ZNF737: variants seen among roughly 807,000 people sequenced by gnomAD.
ZNF737 encodes zinc finger protein 737.
ZNF737 carries 13 observed loss-of-function variants against 11.7 expected under a neutral mutation model. The ratio of observed to expected loss-of-function variants is 1.11; its 90% CI spans 0.73 to 1.77. ZNF737 has a LOEUF of 1.77. Among genes scored for constraint, ZNF737 ranks in the 40% most tolerant of loss-of-function variants. The pLI, the probability that ZNF737 is intolerant of heterozygous loss-of-function variation, is 0.00. For missense variants in ZNF737, 636 were observed against 638.0 expected, an observed-to-expected ratio of 1.00 and a Z score of 0.03; for synonymous variants, 217 against 216.2, an observed-to-expected ratio of 1.00 and a Z score of -0.03.
rs1030293850 is a variant in ZNF737 at position 20,543,913 on chromosome 19, A to C, written c.*679T>G. On this transcript the variant is annotated 3_prime_UTR_variant, in exon 4 of 4. Transcript: ENST00000427401. The stretch of plus-strand genomic sequence containing the variant: ...GAGGCCAAGGTGGGTGGATCACCTG[A>C]GGTCAGGAGTTCGAGACCAGCCTGG... The C allele has an allele frequency of 8.7e-5, 76 of 873,734 alleles. No homozygotes were observed. In the African/African-American group the frequency reaches 1.2e-3, roughly 13 times the overall value. The allele number at this position is 873,734 out of a possible 1,614,324, so 54.1% of individuals were successfully genotyped here. A position where few individuals can be genotyped will look rare whatever the true frequency, so the allele number is the denominator to read the frequency against.
chr19:20,559,876 A>G (rs1425248871), intron 1 of ZNF737, among the ~76,000 whole-genome samples: 1 of 152,168 alleles, frequency 6.6e-6, no homozygotes, highest in Non-Finnish European at 1.5e-5. Context: ...GGTAAAGAAA[A>G]TATGGTATGG....
In ZNF737 at chr19:20,544,699, T is replaced by C. The variant is rs781927127; in HGVS notation, c.1504A>G (p.Ile502Val). 6 of 1,607,012 alleles carry C rather than the reference T, an allele frequency of 3.7e-6. No homozygotes were observed. The highest frequency in any genetic ancestry group is 5.1e-6 in the Non-Finnish European group (6 of 1,177,592). The change falls in exon 4 of 4, where the codon ATT becomes GTT. Residue 502 changes from isoleucine to valine, a missense_variant. By Grantham distance (29) the Ile-to-Val change is conservative. Transcript: ENST00000427401. ...TTGTAGGGTTTCTCTCCAGTATGAA[T>C]TCTCTTATGTCTAGTAAGGATAAAG... ...RSFILTRHKR[I>V]HTGEKPYKCE...
At chr19:20,551,372 T>C (rs1968659823) in intron 3 of ZNF737, 1 of 142,666 alleles carries the variant, frequency 7.0e-6, no homozygotes, top group Non-Finnish European at 1.5e-5. Context: ...AAGGTTGCAG[T>C]GAGCCGAAAT....
chr19:20,548,440 T>A (rs1337599082), intron 3 of ZNF737, among the ~76,000 whole-genome samples: 1 of 152,174 alleles, frequency 6.6e-6, no homozygotes, highest in African/African-American at 2.4e-5. Flanking sequence ...ATATGATATA[T>A]CTTAAGTAGT....
At chr19:20,554,977 C>T (rs1025110419) in intron 1 of ZNF737, among the ~76,000 whole-genome samples, 30 of 105,816 alleles carry the variant, frequency 2.8e-4, no homozygotes, top group African/African-American at 1.0e-3. Flanking sequence ...GGTCTCCTGC[C>T]TCAGCTTCCC....
rs1968222042 is a variant in ZNF737, at chr19:20,541,915, G to A, written c.*2677C>T. ...TAATTACTACATATTGTAGGCCTGAGTCAAAAGATGCCATATAAGGCATAA... is the reference window on the plus strand; with the variant it reads ...TAATTACTACATATTGTAGGCCTGAATCAAAAGATGCCATATAAGGCATAA... On this transcript the variant is annotated 3_prime_UTR_variant, in exon 4 of 4. Transcript: ENST00000427401. The A allele has an allele frequency of 4.7e-6, 3 of 632,470 alleles. No homozygotes were observed. The East Asian group carries it at 4.2e-4, about 88-fold the overall frequency. The allele number at this position is 632,470 out of a possible 1,614,324, so 39.2% of individuals were successfully genotyped here.
At position 20,544,617 on chromosome 19, in the gene ZNF737, A is replaced by C. The variant is rs1280753334; in HGVS notation, c.1586T>G (p.Val529Gly). ...KCPSTLTTHK[V>G]IHTGEKL ...TTATAGTTTCTCTCCAGTATGAATT[A>C]CCTTATGTGTAGTAAGGGTAGAGGG... Residue 529 changes from valine to glycine, a missense_variant, in exon 4 of 4, where the codon GTA becomes GGA. Physicochemically the swap from Val to Gly is moderately radical, Grantham distance 109. Coordinates refer to ENST00000427401, the MANE Select transcript of ZNF737 (RefSeq NM_001159293.2). 18 of 1,605,870 alleles carry C rather than the reference A, an allele frequency of 1.1e-5. No homozygotes were observed. The highest frequency in any genetic ancestry group is 1.4e-5 in the Non-Finnish European group (17 of 1,177,048).
At chr19:20,551,279 A>G (rs1444084677) in intron 3 of ZNF737, 1 of 152,006 alleles carries the variant, frequency 6.6e-6, no homozygotes, top group Non-Finnish European at 1.5e-5. Context: ...AATACAAAAA[A>G]TTAGCTAGGT....
At chr19:20,535,618 C>G (rs1300990370), downstream of ZNF737, among the ~76,000 whole-genome samples, 1 of 151,332 alleles carries the variant, frequency 6.6e-6, no homozygotes, top group African/African-American at 2.4e-5. Flanking sequence ...CTCCAGCTCC[C>G]AGGTTCAAGA....
chr19:20,534,207 C>A (rs1341280472), downstream of ZNF737, among the ~76,000 whole-genome samples: 1 of 149,986 alleles, frequency 6.7e-6, no homozygotes, highest in Non-Finnish European at 1.5e-5. Context: ...TTTGGGAGGC[C>A]GAGTCAGGCA....
chr19:20,542,562 T>G lies in ZNF737; in HGVS notation c.*2030A>C, dbSNP rs1170575227. 3 of 981,602 alleles carry G rather than the reference T, an allele frequency of 3.1e-6. No individual in the cohort carries two copies. The African/African-American group carries it at 5.2e-5, about 17-fold the overall frequency. 60.8% of individuals were successfully genotyped at this position (981,602 alleles called of 1,614,324 possible). A position where few individuals can be genotyped will look rare whatever the true frequency, so the allele number is the denominator to read the frequency against. On this transcript the variant is annotated 3_prime_UTR_variant, in exon 4 of 4. Transcript: ENST00000427401. ...AGTTTTAAAATGCACTGCATTTTAT[T>G]ACATAAAAGTACAAGTAGTAAAGTA...
At chr19:20,530,946 C>T (rs1555752682), downstream of ZNF737, among the ~76,000 whole-genome samples, 1 of 149,214 alleles carries the variant, frequency 6.7e-6, no homozygotes, top group African/African-American at 2.5e-5. Flanking sequence ...CCATTGAGCA[C>T]TGAGTTAACG....
chr19:20,542,114 ACCTACAC>A lies in ZNF737; in HGVS notation c.*2471_*2477del. The A allele has an allele frequency of 1.0e-6, 1 of 985,324 alleles. No homozygotes were observed. The highest frequency in any genetic ancestry group is 1.2e-6 in the Non-Finnish European group (1 of 829,812). 61.0% of individuals were successfully genotyped at this position (985,324 alleles called of 1,614,324 possible). On this transcript the variant is annotated 3_prime_UTR_variant, in exon 4 of 4. Transcript: ENST00000427401. ...AAATAGTATATTCCTACAATATTGT[ACCTACAC>A]CCTTGAGTAAAGTGGGATACAGTTA...
chr19:20,531,377 C>G (rs1967824451), downstream of ZNF737, among the ~76,000 whole-genome samples: 1 of 149,810 alleles, frequency 6.7e-6, no homozygotes, highest in East Asian at 2.0e-4. Context: ...TATGGTGTAT[C>G]TATTAACATT....
intron 1 of ZNF737, among the ~76,000 whole-genome samples, chr19:20,564,933 C>T (rs1969238165): frequency 7.7e-6 from 1 of 130,342 alleles, no homozygotes; most frequent in Non-Finnish European, 1.6e-5. Flanking sequence ...ATTACATAAC[C>T]AGGAATTTTT....
In ZNF737 at chr19:20,538,557, C is replaced by A. The variant is rs1555754394; in HGVS notation, c.*6035G>T. On this transcript the variant is annotated 3_prime_UTR_variant, in exon 4 of 4. Transcript: ENST00000427401. ...GTACTCGTGGCAAAACTGCTTTCTG[C>A]AAAAAGTAAAAATGGCCTTGCTAAG... 1.2e-5 allele frequency: 10 copies of A among 848,154 alleles called. No homozygotes were observed. The highest frequency in any genetic ancestry group is 1.4e-5 in the Non-Finnish European group (10 of 704,862). 52.5% of individuals were successfully genotyped at this position (848,154 alleles called of 1,614,324 possible). A position where few individuals can be genotyped will look rare whatever the true frequency, so the allele number is the denominator to read the frequency against.
chr19:20,548,086 G>A (rs1489076019), intron 3 of ZNF737, among the ~76,000 whole-genome samples: 1 of 152,016 alleles, frequency 6.6e-6, no homozygotes, highest in Non-Finnish European at 1.5e-5. Flanking sequence ...AGGTTGCAGT[G>A]AGCCGAAATC....
intron 1 of ZNF737, among the ~76,000 whole-genome samples, chr19:20,565,403 C>A (rs1284106055): frequency 1.0e-5 from 1 of 100,260 alleles, no homozygotes; most frequent in Non-Finnish European, 2.1e-5. Context: ...GCCCACGGAG[C>A]GCTCCAGGCC....
intron 1 of ZNF737, among the ~76,000 whole-genome samples, chr19:20,556,846 T>C (rs955723435): frequency 3.3e-5 from 5 of 152,236 alleles, no homozygotes; most frequent in Non-Finnish European, 7.3e-5. Flanking sequence ...TGCACAATAG[T>C]ATGATACAGA....
Sources: gnomAD v4.1 joint callset for allele counts (sites outside exome capture counted in the v4.1 genomes callset) on GRCh38, gnomAD v4.1.1 for gene constraint, MANE v1.5 for transcripts, NCBI Gene and HGNC (gene_info 2026-07-23, HGNC 2026-07-21) for gene names.